Variants in SHANK2 observed in about 807,000 individuals in gnomAD.
The protein encoded by SHANK2 is SH3 and multiple ankyrin repeat domains protein 2.
Under a neutral mutation model 133.7 loss-of-function variants are expected in SHANK2, and 43 were observed. The observed-to-expected ratio is 0.32, with a 90% confidence interval of 0.25 to 0.41. The LOEUF is 0.41. SHANK2 is among the 10% of genes least tolerant of loss of function. SHANK2 has a pLI of 1.00. For synonymous variants in SHANK2, 1,017 were observed against 952.8 expected (o/e 1.07, Z -1.24); for missense variants, 1,994 against 2,235.8 (o/e 0.89, Z 2.18).
chr11:70,731,792 T>C (rs1555032280), intron 14 of SHANK2, among the ~76,000 whole-genome samples: 1 of 152,196 alleles, frequency 6.6e-6, no homozygotes, highest in Non-Finnish European at 1.5e-5. Context: ...CAAAACCAGA[T>C]TCACACCAGC....
chr11:70,890,497 C>CG (rs1949823236), intron 11 of SHANK2, among the ~76,000 whole-genome samples: 1 of 148,084 alleles, frequency 6.8e-6, no homozygotes, highest in Non-Finnish European at 1.5e-5. Context: ...ACAAAAAAAA[C>CG]AAAAAAAACA....
chr11:71,073,436 G>A (rs961399251), intron 9 of SHANK2, among the ~76,000 whole-genome samples: 2 of 151,682 alleles, frequency 1.3e-5, no homozygotes, highest in Non-Finnish European at 2.9e-5. Flanking sequence ...GGGCTTACAG[G>A]AGTGAGCCAC....
chr11:70,914,732 C>CA (rs1216171463), intron 10 of SHANK2, among the ~76,000 whole-genome samples: 13 of 77,028 alleles, frequency 1.7e-4, no homozygotes, highest in South Asian at 4.3e-4. Context: ...CAAAACAAAA[C>CA]AAAGTAAAAT....
intron 11 of SHANK2, among the ~76,000 whole-genome samples, chr11:70,869,064 T>C (rs1949417306): frequency 6.6e-6 from 1 of 152,166 alleles, no homozygotes; most frequent in Admixed American, 6.5e-5. Flanking sequence ...CCAATCCAAC[T>C]GGCGTCCTTA....
At chr11:70,890,420 G>C (rs7115060) in intron 11 of SHANK2, among the ~76,000 whole-genome samples, 137,173 of 150,934 alleles carry the variant, frequency 0.91, 63,145 homozygotes, top group Non-Finnish European at 0.98. Flanking sequence ...GCATGTGGAT[G>C]ATGAAGTCAA....
intron 17 of SHANK2, among the ~76,000 whole-genome samples, chr11:70,592,853 G>A (rs2060343884): frequency 6.6e-6 from 1 of 152,184 alleles, no homozygotes; most frequent in African/African-American, 2.4e-5. Flanking sequence ...TCCAGCAGAG[G>A]GACACCCAGA....
intron 17 of SHANK2, among the ~76,000 whole-genome samples, chr11:70,655,537 C>T (rs1291240831): frequency 3.9e-5 from 6 of 152,192 alleles, no homozygotes; most frequent in African/African-American, 1.4e-4. Context: ...AGATCCAGCT[C>T]AGCTGCTATA....
At chr11:70,659,618 G>A (rs1279515908) in intron 17 of SHANK2, among the ~76,000 whole-genome samples, 1 of 152,096 alleles carries the variant, frequency 6.6e-6, no homozygotes, top group Non-Finnish European at 1.5e-5. Flanking sequence ...TCCTTCCAAC[G>A]GGTTACGGCC....
intron 2 of SHANK2, among the ~76,000 whole-genome samples, chr11:71,186,254 G>T (rs1392680970): frequency 1.3e-5 from 2 of 152,242 alleles, no homozygotes; most frequent in South Asian, 2.1e-4. Context: ...ACCTGCTGAT[G>T]TCTTCCCCAG....
At chr11:70,788,540 T>C (rs1947719292) in intron 14 of SHANK2, among the ~76,000 whole-genome samples, 1 of 152,148 alleles carries the variant, frequency 6.6e-6, no homozygotes, top group Admixed American at 6.5e-5. Flanking sequence ...CTGGCTCTGA[T>C]ATCAGACCAA....
chr11:70,577,489 T>C (rs949214210), intron 17 of SHANK2, among the ~76,000 whole-genome samples: 81 of 152,336 alleles, frequency 5.3e-4, no homozygotes, highest in African/African-American at 1.9e-3. Flanking sequence ...CAGGCGGGTT[T>C]GCAGAATTGA....
In SHANK2 at chr11:70,471,501, T is replaced by C. The variant is rs1216538904; in HGVS notation, c.*1368A>G. 3 of 398,160 alleles carry C rather than the reference T, an allele frequency of 7.5e-6. No homozygotes were observed. The East Asian group carries it at 1.1e-4, about 14-fold the overall frequency. The allele number at this position is 398,160 out of a possible 1,614,324, so 24.7% of individuals were successfully genotyped here. ...GAAAGGGGCGGGGCTCAAGAAAGCC[T>C]TGCCAGAGAGGCTGACCTGGCAGCC... On this transcript the variant is annotated 3_prime_UTR_variant, in exon 26 of 26. Coordinates refer to ENST00000601538, the MANE Select transcript of SHANK2 (RefSeq NM_012309.5). The surrounding 1 kb of genome is among the most constrained non-coding windows in gnomAD (Gnocchi z 4.1).
chr11:71,069,436 CCAT>C (rs1208709443), intron 9 of SHANK2, among the ~76,000 whole-genome samples: 3 of 152,056 alleles, frequency 2.0e-5, no homozygotes, highest in Non-Finnish European at 4.4e-5. Context: ...ATCATCACCA[CCAT>C]CATCAGCACC....
At chr11:71,201,977 C>T (rs1954029083) in intron 2 of SHANK2, among the ~76,000 whole-genome samples, 1 of 152,244 alleles carries the variant, frequency 6.6e-6, no homozygotes, top group Non-Finnish European at 1.5e-5. Flanking sequence ...CTACAGGATA[C>T]CGACCAATTA....
intron 17 of SHANK2, among the ~76,000 whole-genome samples, chr11:70,617,021 A>G (rs1047093960): frequency 3.1e-4 from 47 of 151,616 alleles, no homozygotes; most frequent in African/African-American, 1.1e-3. Context: ...GTGTGTGCCT[A>G]TGAGCGTGTG....
chr11:70,557,987 C>T (rs1313252835), intron 17 of SHANK2, among the ~76,000 whole-genome samples: 1 of 152,194 alleles, frequency 6.6e-6, no homozygotes, highest in Non-Finnish European at 1.5e-5. Context: ...GAACAAATGC[C>T]ACCAGGAACT....
intron 8 of SHANK2, among the ~76,000 whole-genome samples, chr11:71,085,499 T>TATATATGTTATATAATATATA (rs1951367258): frequency 8.9e-6 from 1 of 112,720 alleles, no homozygotes; most frequent in African/African-American, 4.0e-5. Context: ...TAATATATAA[T>TATATATGTTATATAATATATA]ATATATGTTA....
rs1333741119 is a variant in SHANK2, at chr11:70,807,750, A to C, written c.1494-579T>G. On this transcript the variant is annotated intron_variant, in intron 12 of 25. Transcript: ENST00000601538. The surrounding 1 kb of genome is among the most constrained non-coding windows in gnomAD (Gnocchi z 4.8). ...GAGGCTGAGGCAGGAGAATTGCTTAAACCTGGGAGGCGGAGGTTGCGGTGA... is the reference window on the plus strand; with the variant it reads ...GAGGCTGAGGCAGGAGAATTGCTTACACCTGGGAGGCGGAGGTTGCGGTGA... Among the ~76,000 whole-genome samples, 1 of 152,130 alleles carries C rather than the reference A, an allele frequency of 6.6e-6. No individual in the cohort carries two copies. Among genetic ancestry groups the C allele is most frequent in the Non-Finnish European group, 1.5e-5 (1 of 68,030 alleles).
At chr11:70,672,737 T>C (rs1172851751) in intron 15 of SHANK2, among the ~76,000 whole-genome samples, 1 of 152,274 alleles carries the variant, frequency 6.6e-6, no homozygotes, top group African/African-American at 2.4e-5. Flanking sequence ...ACTCATTTGC[T>C]GTCTGACTCC....
Sources: allele counts gnomAD v4.1 joint callset (sites outside exome capture counted in the v4.1 genomes callset), GRCh38; gene constraint gnomAD v4.1.1; non-coding constraint Gnocchi (gnomAD v3.1); transcripts MANE v1.5; gene names NCBI Gene and HGNC (gene_info 2026-07-23, HGNC 2026-07-21).